Variants in C2CD5 observed in about 807,000 individuals in gnomAD.
The protein encoded by C2CD5 is C2 calcium dependent domain containing 5.
C2CD5 carries 109 observed loss-of-function variants against 130.3 expected under a neutral mutation model. The ratio of observed to expected loss-of-function variants is 0.84; its 90% CI spans 0.72 to 0.98. The LOEUF (loss-of-function observed/expected upper bound fraction) is 0.98. Among genes scored for constraint, C2CD5 ranks in the 50% least tolerant of loss-of-function variants. The pLI is 0.00. For missense variants in C2CD5, 996 were observed against 1,261.8 expected, an observed-to-expected ratio of 0.79 and a Z score of 3.19; for synonymous variants, 454 against 429.2, an observed-to-expected ratio of 1.06 and a Z score of -0.71.
intron 10 of C2CD5, among the ~76,000 whole-genome samples, chr12:22,501,285 T>C (rs1947753518): frequency 1.3e-5 from 2 of 152,148 alleles, no homozygotes; most frequent in Non-Finnish European, 2.9e-5. Context: ...TCCTCAACCA[T>C]GTTTTTCTTT....
chr12:22,527,219 C>T (rs762636979), intron 4 of C2CD5, among the ~76,000 whole-genome samples: 1 of 151,196 alleles, frequency 6.6e-6, no homozygotes, highest in Non-Finnish European at 1.5e-5. Flanking sequence ...ATTTAGCAAG[C>T]ATTATCTCAA....
chr12:22,472,250 G>C (rs1943155980), intron 18 of C2CD5, 36 bp downstream of exon 18: 1 of 1,187,708 alleles, frequency 8.4e-7, no homozygotes, highest in South Asian at 1.4e-5. Context: ...AATAACTTAT[G>C]TGTTATGTGC....
chr12:22,501,608 C>T (rs1947800203), intron 10 of C2CD5, among the ~76,000 whole-genome samples: 2 of 152,126 alleles, frequency 1.3e-5, no homozygotes, highest in Non-Finnish European at 2.9e-5. Flanking sequence ...AACAAATGAT[C>T]ATTTCAATTC....
chr12:22,456,163 T>A (rs1311932214), intron 25 of C2CD5, among the ~76,000 whole-genome samples: 1 of 152,154 alleles, frequency 6.6e-6, no homozygotes, highest in Non-Finnish European at 1.5e-5. Context: ...AGTATAGAAA[T>A]ACTGCTGGTG....
At chr12:22,509,042 A>G (rs955130723) in intron 9 of C2CD5, among the ~76,000 whole-genome samples, 1 of 149,500 alleles carries the variant, frequency 6.7e-6, no homozygotes, top group South Asian at 2.1e-4. Context: ...GCGCCCGGCT[A>G]ATTTTTTGTA....
intron 6 of C2CD5, 73 bp downstream of exon 6, chr12:22,524,399 G>T: frequency 8.3e-7 from 1 of 1,210,450 alleles, no homozygotes; most frequent in Non-Finnish European, 1.2e-6. Flanking sequence ...AGTTGAGGTA[G>T]CATGTCAAAG....
Position 22,475,297 on chromosome 12 carries a change from T to C in C2CD5, c.1903-406A>G, listed in dbSNP as rs190620457. On this transcript the variant is annotated intron_variant, in intron 15 of 26. Coordinates refer to ENST00000446597, the MANE Select transcript of C2CD5 (RefSeq NM_001286176.2). ...TCCTAGAAAGAATTCTAATCTTTTATATATTTTCTTATCCACTTTCAAAGC... is the reference window on the plus strand; with the variant it reads ...TCCTAGAAAGAATTCTAATCTTTTACATATTTTCTTATCCACTTTCAAAGC... 3.5e-4 allele frequency among the ~76,000 whole-genome samples: 53 copies of C among 152,348 alleles called. 1 individual carries two copies. The East Asian group carries it at 9.8e-3, about 28-fold the overall frequency.
At chr12:22,522,050 G>C (rs1171205677) in intron 7 of C2CD5, among the ~76,000 whole-genome samples, 1 of 152,136 alleles carries the variant, frequency 6.6e-6, no homozygotes, top group Admixed American at 6.6e-5. Flanking sequence ...TGTTTTGTAA[G>C]TAAGTTTTAT....
chr12:22,544,233 G>A, intron 1 of C2CD5, 54 bp from the exon 2 acceptor site: 2 of 1,383,148 alleles, frequency 1.4e-6, no homozygotes, highest in South Asian at 2.4e-5. Context: ...CGGGAGAGGG[G>A]CGGAGGCGCG....
In C2CD5 at chr12:22,525,666, A is replaced by T; in HGVS notation, c.389T>A (p.Leu130His). 6.3e-7 allele frequency: 1 copy of T among 1,592,824 alleles called. No homozygotes were observed. The highest frequency in any genetic ancestry group is 8.6e-7 in the Non-Finnish European group (1 of 1,161,038). Residue 130 changes from leucine to histidine, a missense_variant, in exon 5 of 27, where the codon CTC becomes CAC. Around this residue, in one of 9 missense-constraint regions of C2CD5, gnomAD observed 49 missense variants for 52.0 expected, o/e 0.94. Coordinates refer to ENST00000446597, the MANE Select transcript of C2CD5 (RefSeq NM_001286176.2). Reference sequence around the variant, plus strand: ...CCTAAATCGATTTAAATCATTGAAGAGGTCTACTTTGACAACTACATTGAT... The same window carrying T: ...CCTAAATCGATTTAAATCATTGAAGTGGTCTACTTTGACAACTACATTGAT... ...GEINVVVKVD[L>H]FNDLNRFRQS...
intron 7 of C2CD5, among the ~76,000 whole-genome samples, chr12:22,519,548 C>T (rs1171842657): frequency 2.6e-5 from 4 of 151,832 alleles, no homozygotes; most frequent in East Asian, 1.9e-4. Flanking sequence ...TTTAAGTTTC[C>T]TTAACATATT....
In C2CD5 at chr12:22,534,210, G is replaced by A. The variant is rs547726158; in HGVS notation, c.177+1048C>T. Among the ~76,000 whole-genome samples the A allele has an allele frequency of 2.1e-4, 32 of 152,118 alleles. No individual in the cohort carries two copies. In the East Asian group the frequency reaches 6.0e-3, roughly 28 times the overall value. On this transcript the variant is annotated intron_variant, in intron 3 of 26. Coordinates refer to ENST00000446597, the MANE Select transcript of C2CD5 (RefSeq NM_001286176.2). ...CTATTAAAAGAAAGGAATGAAGTTG[G>A]CCTCTTACTGCACTCCATTATAAAA...
intron 11 of C2CD5, among the ~76,000 whole-genome samples, chr12:22,492,048 T>C (rs143084200): frequency 1.3e-5 from 2 of 152,080 alleles, no homozygotes; most frequent in Non-Finnish European, 2.9e-5. Flanking sequence ...TCTAGGAGTA[T>C]AACACATGAT....
chr12:22,497,119 C>T (rs1947117735), intron 10 of C2CD5, among the ~76,000 whole-genome samples: 2 of 152,064 alleles, frequency 1.3e-5, no homozygotes, highest in African/African-American at 4.8e-5. Flanking sequence ...ATACCAACTA[C>T]CTGAAATGTT....
intron 6 of C2CD5, 24 bp downstream of exon 6, chr12:22,524,448 A>G: frequency 6.2e-7 from 1 of 1,605,686 alleles, no homozygotes; most frequent in Non-Finnish European, 8.5e-7. Flanking sequence ...ATCAGTCAGT[A>G]ATAAAGTTAT....
At chr12:22,543,142 A>G (rs1252750439) in intron 2 of C2CD5, among the ~76,000 whole-genome samples, 2 of 152,242 alleles carry the variant, frequency 1.3e-5, no homozygotes, top group Non-Finnish European at 2.9e-5. Context: ...CGAGCTATAT[A>G]TTATGATATA....
At chr12:22,496,037 A>G (rs1443536882) in intron 10 of C2CD5, among the ~76,000 whole-genome samples, 1 of 152,142 alleles carries the variant, frequency 6.6e-6, no homozygotes, top group Non-Finnish European at 1.5e-5. Flanking sequence ...ATTATCTACA[A>G]CTGTAAGCAA....
chr12:22,494,757 A>C (rs1184828723), intron 10 of C2CD5, among the ~76,000 whole-genome samples: 2 of 152,136 alleles, frequency 1.3e-5, no homozygotes, highest in Non-Finnish European at 2.9e-5. Flanking sequence ...ATTAGCAATC[A>C]ATGTTATAAA....
chr12:22,469,412 A>C (rs897896386), intron 22 of C2CD5, among the ~76,000 whole-genome samples: 5 of 152,152 alleles, frequency 3.3e-5, no homozygotes, highest in Non-Finnish European at 5.9e-5. Flanking sequence ...CAAGTATTCT[A>C]TGTGTGAATA....
Sources: gnomAD v4.1 joint callset for allele counts (sites outside exome capture counted in the v4.1 genomes callset) on GRCh38, gnomAD v4.1.1 for gene constraint, gnomAD v4.1.1 regional missense constraint, MANE v1.5 for transcripts, NCBI Gene and HGNC (gene_info 2026-07-23, HGNC 2026-07-21) for gene names.